ARMC2: variants seen among roughly 807,000 people sequenced by gnomAD.
ARMC2 encodes the protein armadillo repeat containing 2, also known as armadillo repeat-containing protein 2.
ARMC2 carries 67 observed loss-of-function variants against 90.3 expected under a neutral mutation model. The observed-to-expected ratio is 0.74, with a 90% CI of 0.61 to 0.91. The LOEUF (loss-of-function observed/expected upper bound fraction) is 0.91, where lower values mean the gene tolerates loss of function less well. Ranked by LOEUF, ARMC2 falls within the 40% of genes least tolerant of loss-of-function variation. The probability of loss-of-function intolerance (pLI) is 0.00; values close to 1 mark genes in which losing one functional copy is unlikely to be tolerated. For synonymous variants in ARMC2, 393 were observed against 393.0 expected, an observed-to-expected ratio of 1.00 and a Z score of 0.00; for missense variants, 920 against 1,030.9, an observed-to-expected ratio of 0.89 and a Z score of 1.47.
chr6:108,952,919 G>A, intron 12 of ARMC2, 114 bp from the exon 13 acceptor site: 1 of 1,033,498 alleles, frequency 9.7e-7, no homozygotes, highest in Non-Finnish European at 1.4e-6. Flanking sequence ...GCCGAAGCCA[G>A]ACGTGTTCCA....
the ARMC2 span, among the ~76,000 whole-genome samples, chr6:109,027,392 G>T: frequency 6.7e-6 from 1 of 148,280 alleles, no homozygotes; most frequent in East Asian, 2.0e-4. Context: ...CAGGAGAATT[G>T]CTTGAACCAG....
intron 5 of ARMC2, among the ~76,000 whole-genome samples, chr6:108,880,779 C>CCTTT (rs1312664543): frequency 6.9e-6 from 1 of 145,320 alleles, no homozygotes; most frequent in East Asian, 2.0e-4. Flanking sequence ...CCTTCCCTCT[C>CCTTT]CTTCCTTCCT....
Position 108,904,389 on chromosome 6 carries a change from C to T in ARMC2, c.1007C>T (p.Ala336Val). 6.2e-7 allele frequency: 1 copy of T among 1,602,172 alleles called. No individual in the cohort carries two copies. Residue 336 changes from alanine to valine, a missense_variant, in exon 8 of 18, where the codon GCA becomes GTA. Physicochemically the swap from Ala to Val is moderately conservative, Grantham distance 64. Coordinates refer to ENST00000392644, the MANE Select transcript of ARMC2 (RefSeq NM_032131.6). Reference sequence around the variant, plus strand: ...TCAGACTCGCTCAGCCTTAAACTTGCAAAAATAATTCTAGCAGTAAGTTTT... The same window carrying T: ...TCAGACTCGCTCAGCCTTAAACTTGTAAAAATAATTCTAGCAGTAAGTTTT... ...VGSDSLSLKL[A>V]KIILALKVSR...
chr6:109,052,436 A>C, the ARMC2 span, among the ~76,000 whole-genome samples: 1 of 152,220 alleles, frequency 6.6e-6, no homozygotes, highest in Non-Finnish European at 1.5e-5. Context: ...CACTGCTATT[A>C]TAACACACTG....
At chr6:108,858,353 T>C (rs1010379419) in intron 3 of ARMC2, 82 bp downstream of exon 3, 9 of 986,474 alleles carry the variant, frequency 9.1e-6, no homozygotes, top group Non-Finnish European at 1.4e-5. Context: ...TCAGTACTTA[T>C]ATATGCTATG....
the ARMC2 span, chr6:108,992,685 C>CAA: frequency 2.7e-6 from 2 of 747,800 alleles, no homozygotes; most frequent in Non-Finnish European, 4.8e-6. Flanking sequence ...ATACTGCCTG[C>CAA]AAAGCACTTA....
chr6:108,938,922 A>T (rs757344924), intron 12 of ARMC2, among the ~76,000 whole-genome samples: 38 of 152,200 alleles, frequency 2.5e-4, no homozygotes, highest in Non-Finnish European at 5.1e-4. Context: ...GAGAGACTAG[A>T]GATATCAGTA....
the ARMC2 span, among the ~76,000 whole-genome samples, chr6:109,015,738 AAAG>A: frequency 1.3e-5 from 2 of 152,360 alleles, no homozygotes; most frequent in South Asian, 2.1e-4. Context: ...TGAAGGTTTT[AAAG>A]AAGGAGAAGG....
chr6:109,044,311 CAAAAAAAAAAAAAAAAAAAAAAAAAA>C, the ARMC2 span, among the ~76,000 whole-genome samples: 1 of 28,472 alleles, frequency 3.5e-5, no homozygotes, highest in Admixed American at 6.6e-4. Flanking sequence ...GAACTTGCCT[CAAAAAAAAAAAAAAAAAAAAAAAAAA>C]AAAAAAAAAA....
At position 108,928,148 on chromosome 6, in the gene ARMC2, A is replaced by C; in HGVS notation, c.1411A>C (p.Ile471Leu). The C allele has an allele frequency of 6.2e-7, 1 of 1,613,662 alleles. No homozygotes were observed. Residue 471 changes from isoleucine to leucine, a missense_variant, in exon 11 of 18, where the codon ATC becomes CTC. Ile to Leu is a conservative substitution (Grantham distance 5). Transcript: ENST00000392644. Reference protein sequence around the residue: ...SSLVRSKFLNISALPQLCTAM... With the variant: ...SSLVRSKFLNLSALPQLCTAM... ...ATTAGTAAGAAGTAAGTTCCTAAAC[A>C]TCAGTGCCCTTCCCCAGCTCTGCAC... is the stretch of plus-strand genomic sequence containing the variant.
chr6:108,918,102 A>G (rs550143098), intron 10 of ARMC2, among the ~76,000 whole-genome samples: 1 of 152,302 alleles, frequency 6.6e-6, no homozygotes, highest in Non-Finnish European at 1.5e-5. Flanking sequence ...GGTCATCTAC[A>G]TGGATTTGAT....
intron 10 of ARMC2, among the ~76,000 whole-genome samples, chr6:108,918,676 AAGCTG>A (rs1188798548): frequency 2.0e-5 from 3 of 152,060 alleles, no homozygotes; most frequent in African/African-American, 7.2e-5. Context: ...CCCCCAGCAT[AAGCTG>A]GCCTCTCAGC....
At chr6:109,049,464 C>T in the ARMC2 span, among the ~76,000 whole-genome samples, 1 of 151,946 alleles carries the variant, frequency 6.6e-6, no homozygotes, top group African/African-American at 2.4e-5. Context: ...TTCTAGTGTT[C>T]CATAGCAATG....
chr6:109,018,170 ATACTT>A, the ARMC2 span, among the ~76,000 whole-genome samples: 1 of 152,224 alleles, frequency 6.6e-6, no homozygotes, highest in African/African-American at 2.4e-5. Flanking sequence ...TTCCTTACAC[ATACTT>A]TAGAGATATT....
chr6:108,952,638 G>A (rs1395432159), intron 12 of ARMC2, among the ~76,000 whole-genome samples: 1 of 151,054 alleles, frequency 6.6e-6, no homozygotes, highest in Non-Finnish European at 1.5e-5. Flanking sequence ...AGCAGGAGAC[G>A]AAATTTTAAG....
intron 13 of ARMC2, among the ~76,000 whole-genome samples, chr6:108,957,732 A>G (rs944263902): frequency 4.6e-5 from 7 of 152,186 alleles, no homozygotes; most frequent in African/African-American, 1.4e-4. Flanking sequence ...TTAAAAATCA[A>G]TAATGTTTCT....
intron 1 of ARMC2, among the ~76,000 whole-genome samples, chr6:108,853,140 T>A (rs1046542954): frequency 6.6e-6 from 1 of 152,196 alleles, no homozygotes; most frequent in African/African-American, 2.4e-5. Flanking sequence ...TTTTTTACTG[T>A]TTTAACTCAA....
At chr6:108,923,363 C>T (rs1320524691) in intron 10 of ARMC2, among the ~76,000 whole-genome samples, 1 of 152,050 alleles carries the variant, frequency 6.6e-6, no homozygotes, top group Non-Finnish European at 1.5e-5. Context: ...TTGGTTAACT[C>T]CTGCTTTGGG....
chr6:108,864,930 T>C (rs1483497167), intron 3 of ARMC2, among the ~76,000 whole-genome samples: 1 of 152,086 alleles, frequency 6.6e-6, no homozygotes, highest in Non-Finnish European at 1.5e-5. Context: ...TCTGTGTCCT[T>C]GATTATACTC....
Sources: allele counts gnomAD v4.1 joint callset (sites outside exome capture counted in the v4.1 genomes callset), GRCh38; gene constraint gnomAD v4.1.1; transcripts MANE v1.5; gene names NCBI Gene and HGNC (gene_info 2026-07-23, HGNC 2026-07-21).